The following KGD4 variants were observed in gnomAD, a reference collection of about 807,000 sequenced individuals.
KGD4 encodes the protein alpha-ketoglutarate dehydrogenase subunit 4.
the KGD4 span, chr5:69,218,235 G>C: frequency 2.7e-5 from 7 of 263,158 alleles, no homozygotes; most frequent in Middle Eastern, 2.3e-3. Context: ...ATTGGCTGTG[G>C]TGCCCCCGAT....
the KGD4 span, chr5:69,230,102 C>A: frequency 1.8e-4 from 28 of 151,798 alleles, no homozygotes; most frequent in East Asian, 5.2e-3. Flanking sequence ...GCCAAGGGTA[C>A]GTATATTGTG....
At chr5:69,225,052 C>T in the KGD4 span, among the ~76,000 whole-genome samples, 8 of 144,160 alleles carry the variant, frequency 5.5e-5, no homozygotes, top group African/African-American at 1.3e-4. Flanking sequence ...CCAGCCTGGG[C>T]GACAGAGTGA....
At chr5:69,225,262 ATT>A in the KGD4 span, among the ~76,000 whole-genome samples, 23 of 104,292 alleles carry the variant, frequency 2.2e-4, no homozygotes, top group Admixed American at 8.8e-4. Context: ...ATAGCACCAC[ATT>A]TTTTTTTTTT....
the KGD4 span, chr5:69,229,705 T>C: frequency 1.3e-5 from 2 of 153,582 alleles, no homozygotes; most frequent in South Asian, 4.1e-4. Context: ...TAATGTTTTT[T>C]CATTCACAAG....
the KGD4 span, chr5:69,229,072 T>G: frequency 1.4e-6 from 1 of 695,312 alleles, no homozygotes; most frequent in Non-Finnish European, 2.4e-6. Context: ...ACCCAAAAGT[T>G]TTGACTAATT....
chr5:69,219,456 T>C, the KGD4 span, among the ~76,000 whole-genome samples: 1 of 152,208 alleles, frequency 6.6e-6, no homozygotes, highest in African/African-American at 2.4e-5. Context: ...TCCCTGGCTC[T>C]ATTTCTGATA....
the KGD4 span, among the ~76,000 whole-genome samples, chr5:69,220,211 A>C: frequency 1.3e-4 from 19 of 151,782 alleles, no homozygotes; most frequent in Admixed American, 1.2e-3. Flanking sequence ...TGGACAGTAG[A>C]GCTAGACCCT....
chr5:69,227,758 T>C, the KGD4 span, among the ~76,000 whole-genome samples: 1 of 152,210 alleles, frequency 6.6e-6, no homozygotes, highest in Non-Finnish European at 1.5e-5. Flanking sequence ...CCCTAAAGGG[T>C]TGAATTCCAC....
the KGD4 span, chr5:69,228,313 G>A: frequency 1.2e-6 from 2 of 1,604,992 alleles, no homozygotes; most frequent in South Asian, 2.3e-5. Flanking sequence ...ACCAGACACT[G>A]CAGAAATAAT....
the KGD4 span, among the ~76,000 whole-genome samples, chr5:69,225,336 T>G: frequency 6.7e-6 from 1 of 148,804 alleles, no homozygotes; most frequent in African/African-American, 2.5e-5. Flanking sequence ...CTATCTCTGC[T>G]CACTGCAACC....
chr5:69,225,707 AG>A, the KGD4 span, among the ~76,000 whole-genome samples: 1 of 151,708 alleles, frequency 6.6e-6, no homozygotes, highest in Non-Finnish European at 1.5e-5. Context: ...CAGCCTCCCA[AG>A]TAGCTAGGAT....
the KGD4 span, among the ~76,000 whole-genome samples, chr5:69,218,572 T>A: frequency 6.6e-6 from 1 of 152,136 alleles, no homozygotes; most frequent in African/African-American, 2.4e-5. Context: ...TTAATCCACC[T>A]ATCAGCTACT....
chr5:69,217,969 GGTGACCGCGCCTCTGCGGAGGGCCA>G, the KGD4 span: 1 of 1,593,750 alleles, frequency 6.3e-7, no homozygotes, highest in Non-Finnish European at 8.6e-7. Flanking sequence ...GAGGCAGAGC[GGTGACCGCGCCTCTGCGGAGGGCCA>G]GTGACGGCGC....
chr5:69,222,158 C>CT, the KGD4 span, among the ~76,000 whole-genome samples: 2 of 151,874 alleles, frequency 1.3e-5, no homozygotes, highest in Non-Finnish European at 2.9e-5. Flanking sequence ...TTTTCTGTCT[C>CT]TGACTGTCCA....
chr5:69,221,509 G>C, the KGD4 span, among the ~76,000 whole-genome samples: 1 of 152,154 alleles, frequency 6.6e-6, no homozygotes, highest in Non-Finnish European at 1.5e-5. Flanking sequence ...TTGACAAAAC[G>C]AGCAAAGGGA....
the KGD4 span, chr5:69,226,351 A>C: frequency 1.9e-6 from 3 of 1,606,960 alleles, no homozygotes; most frequent in South Asian, 3.3e-5. Context: ...GTCAAACCAC[A>C]CACTCCATTA....
chr5:69,224,478 T>G, the KGD4 span, among the ~76,000 whole-genome samples: 2 of 152,186 alleles, frequency 1.3e-5, no homozygotes, highest in African/African-American at 4.8e-5. Flanking sequence ...CTTCCAAATG[T>G]TTTACACAGA....
the KGD4 span, chr5:69,228,048 A>G: frequency 3.2e-6 from 2 of 624,172 alleles, no homozygotes; most frequent in African/African-American, 1.9e-5. Context: ...TTACTCTACA[A>G]TATTTACCTT....
the KGD4 span, among the ~76,000 whole-genome samples, chr5:69,222,966 C>G: frequency 6.7e-6 from 1 of 149,258 alleles, no homozygotes; most frequent in Non-Finnish European, 1.5e-5. Flanking sequence ...TTAGTAGAGA[C>G]AGGGTTTCAC....
Sources: allele counts gnomAD v4.1 joint callset (sites outside exome capture counted in the v4.1 genomes callset), GRCh38; gene constraint gnomAD v4.1.1; transcripts MANE v1.5; gene names NCBI Gene and HGNC (gene_info 2026-07-23, HGNC 2026-07-21).